Variants in TLE6 observed in about 807,000 individuals in gnomAD.
The protein encoded by TLE6 is TLE family member 6, subcortical maternal complex member.
In TLE6, 72 loss-of-function variants were observed where a neutral mutation model predicts 77.1. The ratio of observed to expected loss-of-function variants is 0.93; its 90% CI spans 0.77 to 1.14. The LOEUF (loss-of-function observed/expected upper bound fraction) is 1.14, where lower values mean the gene tolerates loss of function less well. TLE6 is among the 50% of genes most tolerant of loss of function. The probability of loss-of-function intolerance (pLI) is 0.00; values close to 1 mark genes in which losing one functional copy is unlikely to be tolerated. For synonymous variants in TLE6, 366 were observed against 287.3 expected (o/e 1.27, Z -2.77); for missense variants, 843 against 747.6 (o/e 1.13, Z -1.49).
At chr19:2,991,613 T>C (rs558877495) in intron 13 of TLE6, among the ~76,000 whole-genome samples, 1 of 140,954 alleles carries the variant, frequency 7.1e-6, no homozygotes. Context: ...AGGGGAGGCC[T>C]AGGTGAGGCC....
chr19:2,992,792 AAG>A (rs2089101522), intron 14 of TLE6, among the ~76,000 whole-genome samples: 1 of 9,904 alleles, frequency 1.0e-4, no homozygotes, highest in Non-Finnish European at 2.8e-4. Context: ...AAAAAAAAAA[AAG>A]GGGGGGAGGC....
intron 5 of TLE6, among the ~76,000 whole-genome samples, chr19:2,984,757 C>T (rs924025994): frequency 6.6e-6 from 1 of 152,028 alleles, no homozygotes; most frequent in Admixed American, 6.6e-5. Flanking sequence ...TGTGAGCCAT[C>T]GCACCTGGCC....
In TLE6 at chr19:2,989,768, G is replaced by A. The variant is rs1318862975; in HGVS notation, c.1227G>A (p.Arg409=). ...GTGTGGTCAGGATCTGGGACCTGCG[G>A]GATCAGAGTGTGGTCAGGTGCGTTT... is the stretch of plus-strand genomic sequence containing the variant. The part of the protein sequence containing the change: ...TSGVVRIWDL[R]DQSVVRDLKG... Residue 409 remains arginine (R), a synonymous_variant, in exon 13 of 17, where the codon CGG becomes CGA. Transcript: ENST00000246112. 1.2e-6 allele frequency: 2 copies of A among 1,614,086 alleles called. No individual in the cohort carries two copies. Among genetic ancestry groups the A allele is most frequent in the Non-Finnish European group, 1.7e-6 (2 of 1,179,958 alleles).
At chr19:2,988,908 C>A in intron 11 of TLE6, 153 bp from the exon 12 acceptor site, 1 of 1,042,412 alleles carries the variant, frequency 9.6e-7, no homozygotes, top group Non-Finnish European at 1.4e-6. Context: ...GGAATATGAG[C>A]AGGACATTGA....
chr19:2,982,107 C>G (rs1405904789), intron 4 of TLE6, 41 bp from the exon 5 acceptor site: 3 of 1,550,660 alleles, frequency 1.9e-6, no homozygotes. Flanking sequence ...GCATTCACAC[C>G]CGGACCACCT....
intron 14 of TLE6, 75 bp from the exon 15 acceptor site, chr19:2,993,357 C>T (rs2145072188): frequency 6.7e-7 from 1 of 1,497,414 alleles, no homozygotes; most frequent in Non-Finnish European, 9.0e-7. Context: ...AGGATAGGTC[C>T]CCAGGCTCCT....
rs1187918658 is a variant in TLE6, at chr19:2,994,980, C to T, written c.1695C>T (p.Ala565=). ...TTGTCACAGGCTCCGGGGAGCACGC[C>T]TCCGTGTACCAGATCACCTACTGAG... The part of the protein sequence containing the change: ...RLVVTGSGEH[A]SVYQITY Residue 565 remains alanine, a synonymous_variant, in exon 17 of 17, where the codon GCC becomes GCT. Transcript: ENST00000246112. 1 of 1,608,254 alleles carries T rather than the reference C, an allele frequency of 6.2e-7. No individual in the cohort carries two copies. Among genetic ancestry groups the T allele is most frequent in the Admixed American group, 1.7e-5 (1 of 59,552 alleles).
At position 2,989,262 on chromosome 19, in the gene TLE6, G is replaced by C; in HGVS notation, c.942G>C (p.Leu314=). 1 of 1,613,772 alleles carries C rather than the reference G, an allele frequency of 6.2e-7. No individual in the cohort carries two copies. Among genetic ancestry groups the C allele is most frequent in the Non-Finnish European group, 8.5e-7 (1 of 1,180,042 alleles). ...GAAGAGGCATCAAGGTGTGGAGCCT[G>C]ACTGGACAGGTGGCTGAGGACAGGT... The part of the protein sequence containing the change: ...CGRRGIKVWS[L]TGQVAEDRFP... The change falls in exon 12 of 17, where the codon CTG becomes CTC. Residue 314 remains leucine, a synonymous_variant. Transcript: ENST00000246112.
chr19:2,992,038 T>G, intron 14 of TLE6, 54 bp downstream of exon 14: 5 of 1,596,818 alleles, frequency 3.1e-6, no homozygotes, highest in Non-Finnish European at 3.4e-6. Flanking sequence ...GTCCTCAGAT[T>G]AAAAAATGAG....
chr19:2,989,557 C>T lies in TLE6; in HGVS notation c.1016C>T (p.Thr339Ile). 6.2e-7 allele frequency: 1 copy of T among 1,612,848 alleles called. No individual in the cohort carries two copies. The highest frequency in any genetic ancestry group is 8.5e-7 in the Non-Finnish European group (1 of 1,179,806). The change falls in exon 13 of 17, where the codon ACC becomes ATC. Residue 339 changes from threonine to isoleucine, a missense_variant. Coordinates refer to ENST00000246112, the MANE Select transcript of TLE6 (RefSeq NM_001143986.2). ...CAGACCCCTGGGGCCTTCCTGCGCACCTGCCTGCTGTCCTCAAACAGCAGG... is the reference window on the plus strand; with the variant it reads ...CAGACCCCTGGGGCCTTCCTGCGCATCTGCCTGCTGTCCTCAAACAGCAGG... ...PIQTPGAFLR[T>I]CLLSSNSRSL...
rs750938767 is a variant in TLE6 at position 2,994,887 on chromosome 19, GC to G, written c.1615-6del. 16 of 1,556,266 alleles carry G rather than the reference GC, an allele frequency of 1.0e-5. No individual in the cohort carries two copies. Among genetic ancestry groups the G allele is most frequent in the Admixed American group, 1.8e-5 (1 of 55,730 alleles). Reference sequence around the variant, plus strand: ...GCCCTACCCCAGCTCACTGCCCACTGCCCCCCCTCCAGGTGCCTGAGATGTC... The same window carrying G: ...GCCCTACCCCAGCTCACTGCCCACTGCCCCCCTCCAGGTGCCTGAGATGTC... On this transcript the variant is annotated splice_polypyrimidine_tract_variant and intron_variant, in intron 16 of 16. Transcript: ENST00000246112.
chr19:2,987,085 G>A lies in TLE6; in HGVS notation c.388G>A (p.Asp130Asn), dbSNP rs769137034. ...GGACATCATGGCCACCAGGTCCTCC[G>A]ACTGGCTCCGGCGGCCTTTGGGGGA... ...FEDIMATRSSDWLRRPLGEDN... is the reference protein window; with the variant it reads ...FEDIMATRSSNWLRRPLGEDN... Residue 130 changes from aspartate (D) to asparagine (N), a missense_variant, in exon 7 of 17, where the codon GAC (aspartate) becomes AAC (asparagine). Physicochemically the swap from Asp to Asn is conservative, Grantham distance 23 (BLOSUM62 1). Coordinates refer to ENST00000246112, the MANE Select transcript of TLE6 (RefSeq NM_001143986.2). 34 of 1,614,032 alleles carry A rather than the reference G, an allele frequency of 2.1e-5. No homozygotes were observed. The highest frequency in any genetic ancestry group is 1.2e-4 in the South Asian group (11 of 91,084).
intron 2 of TLE6, among the ~76,000 whole-genome samples, chr19:2,979,637 T>C (rs941653129): frequency 6.6e-6 from 1 of 152,012 alleles, no homozygotes; most frequent in Admixed American, 6.6e-5. Flanking sequence ...AAATGGAAGA[T>C]GCTCTTTACT....
chr19:2,991,045 T>TACATAC lies in TLE6; in HGVS notation c.1245-797_1245-796insCATACA, dbSNP rs1568217673. Among the ~76,000 whole-genome samples the TACATAC allele has an allele frequency of 2.8e-3, 369 of 130,114 alleles. 2 individuals carry two copies. The highest frequency in any genetic ancestry group is 0.013 in the African/African-American group (343 of 27,242). The allele number at this position is 130,114 out of a possible 152,430, so 85.4% of individuals were successfully genotyped here. On this transcript the variant is annotated intron_variant, in intron 13 of 16. Transcript: ENST00000246112. ...ACATACATACATACATACATACATA[T>TACATAC]ATGTATACACACACACATATTAAAT...
In TLE6 at chr19:2,989,097, G is replaced by A; in HGVS notation, c.777G>A (p.Lys259=). 1 of 1,614,150 alleles carries A rather than the reference G, an allele frequency of 6.2e-7. No individual in the cohort carries two copies. Residue 259 remains lysine, a synonymous_variant, in exon 12 of 17, where the codon AAG becomes AAA. Transcript: ENST00000246112. ...WDPEDFEDAW[K]RPDALPGQSK... is the part of the protein sequence containing the mutation. Reference sequence around the variant, plus strand: ...CTGAGGACTTTGAAGATGCATGGAAGAGGCCAGATGCCTTGCCCGGGCAGT... The same window carrying A: ...CTGAGGACTTTGAAGATGCATGGAAAAGGCCAGATGCCTTGCCCGGGCAGT...
At chr19:2,993,685 G>A in intron 15 of TLE6, 103 bp downstream of exon 15, 3 of 1,416,574 alleles carry the variant, frequency 2.1e-6, no homozygotes, top group Non-Finnish European at 2.8e-6. Flanking sequence ...GGACACCTCA[G>A]AACCCTTCTG....
At chr19:2,989,389 C>G in intron 12 of TLE6, 76 bp downstream of exon 12, 1 of 1,593,034 alleles carries the variant, frequency 6.3e-7, no homozygotes, top group Non-Finnish European at 8.5e-7. Flanking sequence ...TGGCAGAGCC[C>G]AGATCGTGGA....
At chr19:2,993,726 T>C (rs1448724612) in intron 15 of TLE6, 144 bp downstream of exon 15, 17 of 1,099,868 alleles carry the variant, frequency 1.5e-5, no homozygotes, top group South Asian at 1.5e-4. Flanking sequence ...GATGCTCTTA[T>C]AGTGGAATGA....
At chr19:2,994,594 A>G (rs1218214449) in intron 16 of TLE6, among the ~76,000 whole-genome samples, 1 of 144,352 alleles carries the variant, frequency 6.9e-6, no homozygotes, top group Non-Finnish European at 1.6e-5. Flanking sequence ...TGGGTGACAG[A>G]GACTCCATCT....
Sources: allele counts gnomAD v4.1 joint callset (sites outside exome capture counted in the v4.1 genomes callset), GRCh38; gene constraint gnomAD v4.1.1; transcripts MANE v1.5; gene names NCBI Gene and HGNC (gene_info 2026-07-23, HGNC 2026-07-21).